Variants in PRKCQ observed in about 807,000 individuals in gnomAD.
PRKCQ encodes protein kinase C theta type.
In PRKCQ, 41 loss-of-function variants were observed where a neutral mutation model predicts 91.2. That is an observed-to-expected ratio of 0.45 (90% confidence interval 0.35 to 0.58). The LOEUF is 0.58. Ranked by LOEUF, PRKCQ falls within the 20% of genes least tolerant of loss-of-function variation. PRKCQ has a pLI of 0.00. For missense variants in PRKCQ, 673 were observed against 896.5 expected (o/e 0.75, Z 3.18); for synonymous variants, 307 against 316.9 (o/e 0.97, Z 0.33).
At chr10:6,482,190 C>T (rs766215583) in intron 11 of PRKCQ, among the ~76,000 whole-genome samples, 27 of 152,166 alleles carry the variant, frequency 1.8e-4, no homozygotes, top group Non-Finnish European at 2.8e-4. Flanking sequence ...AGTTCCAATC[C>T]CCAGGACCTT....
In PRKCQ at chr10:6,483,579, T is replaced by C. The variant is rs765253976; in HGVS notation, c.1040A>G (p.Glu347Gly). The C allele has an allele frequency of 1.9e-6, 3 of 1,614,218 alleles. No homozygotes were observed. The highest frequency in any genetic ancestry group is 2.5e-6 in the Non-Finnish European group (3 of 1,180,030). The part of the protein sequence containing the change: ...GKREPQGISW[E>G]SPLDEVDKMC... ...TTTATCCACCTCATCCAACGGAGAC[T>C]CCCAGGAAATGCCCTGAGGCTCTGA... Residue 347 changes from glutamate to glycine, a missense_variant, in exon 11 of 18, where the codon GAG becomes GGG. Physicochemically the swap from Glu to Gly is moderately conservative, Grantham distance 98. Coordinates refer to ENST00000263125, the MANE Select transcript of PRKCQ (RefSeq NM_006257.5).
the PRKCQ span, among the ~76,000 whole-genome samples, chr10:6,401,512 T>A: frequency 2.3e-5 from 3 of 131,388 alleles, no homozygotes; most frequent in Non-Finnish European, 4.8e-5. Context: ...AGAGGGCTGG[T>A]TTTTTTTTTT....
chr10:6,405,910 A>G, the PRKCQ span, among the ~76,000 whole-genome samples: 1 of 152,222 alleles, frequency 6.6e-6, no homozygotes, highest in Admixed American at 6.5e-5. Context: ...TCCCATTTCC[A>G]TGCAGCTGGG....
chr10:6,397,772 A>C, the PRKCQ span, among the ~76,000 whole-genome samples: 32,644 of 152,050 alleles, frequency 0.21, 6,732 homozygotes, highest in African/African-American at 0.54. Flanking sequence ...AAAAGTACAA[A>C]AAATTAGGCG....
At chr10:6,558,943 G>C (rs987865687) in intron 1 of PRKCQ, among the ~76,000 whole-genome samples, 4 of 152,138 alleles carry the variant, frequency 2.6e-5, no homozygotes, top group Non-Finnish European at 5.9e-5. Context: ...CACGCGCAGA[G>C]AGGCAGGTCC....
the PRKCQ span, among the ~76,000 whole-genome samples, chr10:6,403,962 A>G: frequency 2.6e-5 from 4 of 152,102 alleles, no homozygotes; most frequent in Admixed American, 6.6e-5. Flanking sequence ...TACAATCTCT[A>G]TGGTGACAGA....
At chr10:6,466,781 G>A (rs1170561834) in intron 12 of PRKCQ, among the ~76,000 whole-genome samples, 5 of 152,186 alleles carry the variant, frequency 3.3e-5, no homozygotes, top group South Asian at 4.1e-4. Flanking sequence ...AACCTCTGCA[G>A]AACCGCAAGC....
intron 1 of PRKCQ, among the ~76,000 whole-genome samples, chr10:6,571,592 G>A (rs895744661): frequency 6.6e-6 from 1 of 152,156 alleles, no homozygotes; most frequent in Non-Finnish European, 1.5e-5. Context: ...GATCACTTGA[G>A]GCCAGGATTT....
chr10:6,429,976 T>C (rs1224177875), intron 17 of PRKCQ, among the ~76,000 whole-genome samples: 1 of 150,646 alleles, frequency 6.6e-6, no homozygotes, highest in Non-Finnish European at 1.5e-5. Flanking sequence ...CACCTCAGCC[T>C]CCCGAGTAGC....
chr10:6,524,304 A>G (rs1839122624), intron 1 of PRKCQ, among the ~76,000 whole-genome samples: 1 of 152,208 alleles, frequency 6.6e-6, no homozygotes, highest in Admixed American at 6.5e-5. Flanking sequence ...GGTGGACAGG[A>G]CAACTATGGT....
chr10:6,453,969 C>T lies in PRKCQ; in HGVS notation c.1647+2705G>A, dbSNP rs540396948. ...ATAGCATTAGGAGATATACCTAATGCTAAATGACGAGTTAATGGGTGCAGC... is the reference window on the plus strand; with the variant it reads ...ATAGCATTAGGAGATATACCTAATGTTAAATGACGAGTTAATGGGTGCAGC... On this transcript the variant is annotated intron_variant, in intron 15 of 17. Coordinates refer to ENST00000263125, the MANE Select transcript of PRKCQ (RefSeq NM_006257.5). Among the ~76,000 whole-genome samples, 844 of 151,860 alleles carry T rather than the reference C, an allele frequency of 5.6e-3. 3 individuals are homozygous for T. The highest frequency in any genetic ancestry group is 0.027 in the Middle Eastern group (8 of 292).
intron 11 of PRKCQ, among the ~76,000 whole-genome samples, chr10:6,482,715 T>C (rs1836671721): frequency 6.6e-6 from 1 of 152,142 alleles, no homozygotes; most frequent in Non-Finnish European, 1.5e-5. Flanking sequence ...AGAGGTTTAA[T>C]GGACTCGGTT....
At chr10:6,553,746 A>G (rs1227408369) in intron 1 of PRKCQ, among the ~76,000 whole-genome samples, 1 of 152,198 alleles carries the variant, frequency 6.6e-6, no homozygotes, top group Non-Finnish European at 1.5e-5. Flanking sequence ...TGCGGTATGC[A>G]CATATCTTCA....
intron 4 of PRKCQ, 33 bp downstream of exon 4, chr10:6,507,403 C>A: frequency 6.3e-7 from 1 of 1,590,782 alleles, no homozygotes; most frequent in Non-Finnish European, 8.6e-7. Flanking sequence ...ATGCCCTCCT[C>A]ACCCCCAAAC....
At chr10:6,526,466 G>A (rs1380830258) in intron 1 of PRKCQ, among the ~76,000 whole-genome samples, 2 of 152,118 alleles carry the variant, frequency 1.3e-5, no homozygotes, top group African/African-American at 4.8e-5. Context: ...CTAAGCAGAG[G>A]AGGGAGGTGG....
At chr10:6,498,913 A>G (rs1837762871) in intron 4 of PRKCQ, among the ~76,000 whole-genome samples, 2 of 152,192 alleles carry the variant, frequency 1.3e-5, no homozygotes, top group Non-Finnish European at 2.9e-5. Context: ...ACCATCAATG[A>G]TGACTCAGTC....
At chr10:6,526,696 C>T (rs980982232) in intron 1 of PRKCQ, among the ~76,000 whole-genome samples, 19 of 152,206 alleles carry the variant, frequency 1.2e-4, no homozygotes, top group East Asian at 9.6e-4. Context: ...AGAAGACAGA[C>T]GAGGTGGGTG....
At chr10:6,566,588 T>C (rs1251484469) in intron 1 of PRKCQ, among the ~76,000 whole-genome samples, 2 of 151,968 alleles carry the variant, frequency 1.3e-5, no homozygotes, top group African/African-American at 4.8e-5. Flanking sequence ...CTAGGTAGGG[T>C]GAATGACACA....
At chr10:6,398,932 T>A in the PRKCQ span, among the ~76,000 whole-genome samples, 142 of 152,010 alleles carry the variant, frequency 9.3e-4, no homozygotes, top group African/African-American at 3.3e-3. Flanking sequence ...TAAAAAAAAA[T>A]TTTATAGAGT....
Sources: allele counts gnomAD v4.1 joint callset (sites outside exome capture counted in the v4.1 genomes callset), GRCh38; gene constraint gnomAD v4.1.1; transcripts MANE v1.5; gene names NCBI Gene and HGNC (gene_info 2026-07-23, HGNC 2026-07-21).